OR51M1: variants seen among roughly 807,000 people sequenced by gnomAD.
The protein encoded by OR51M1 is olfactory receptor family 51 subfamily M member 1.
For missense variants in OR51M1, 509 were observed against 404.4 expected, an observed-to-expected ratio of 1.26 and a Z score of -2.22; for synonymous variants, 199 against 155.1, an observed-to-expected ratio of 1.28 and a Z score of -2.10.
rs1205258770 is a variant in OR51M1 at position 5,390,871 on chromosome 11, C to T, written c.*492C>T. On this transcript the variant is annotated 3_prime_UTR_variant, in exon 3 of 3. Coordinates refer to ENST00000642046, the MANE Select transcript of OR51M1 (RefSeq NM_001004756.3). ...TGGTCAGCAGTAACTTTCAGACCCCCAAGTCACATCAGAAACCTCAGAACT... is the reference window on the plus strand; with the variant it reads ...TGGTCAGCAGTAACTTTCAGACCCCTAAGTCACATCAGAAACCTCAGAACT... 6.4e-6 allele frequency: 1 copy of T among 155,242 alleles called. No homozygotes were observed. The highest frequency in any genetic ancestry group is 2.4e-5 in the African/African-American group (1 of 41,436). 9.6% of individuals were successfully genotyped at this position (155,242 alleles called of 1,614,324 possible).
intron 2 of OR51M1, 137 bp from the exon 3 acceptor site, chr11:5,389,247 A>T: frequency 1.3e-6 from 1 of 770,568 alleles, no homozygotes; most frequent in Non-Finnish European, 2.1e-6. Flanking sequence ...AAGTTCAATA[A>T]AGTAGTGAGA....
chr11:5,387,072 GTAA>G (rs1345749413), intron 2 of OR51M1, among the ~76,000 whole-genome samples: 3 of 152,016 alleles, frequency 2.0e-5, no homozygotes, highest in African/African-American at 2.4e-5. Flanking sequence ...CACTGTATAA[GTAA>G]TAATAATAAT....
At position 5,392,957 on chromosome 11, in the gene OR51M1, T is replaced by C. The variant is rs1281213567; in HGVS notation, c.*2578T>C. The C allele has an allele frequency of 6.6e-6, 1 of 152,218 alleles. No homozygotes were observed. Among genetic ancestry groups the C allele is most frequent in the Non-Finnish European group, 1.5e-5 (1 of 68,034 alleles). The allele number at this position is 152,218 out of a possible 1,614,324, so 9.4% of individuals were successfully genotyped here. A position where few individuals can be genotyped will look rare whatever the true frequency, so the allele number is the denominator to read the frequency against. ...ATAAATAAATATCTGTGCTGTTAAG[T>C]ATGTGGTAAAAGAGGTATTTTCACA... On this transcript the variant is annotated 3_prime_UTR_variant, in exon 3 of 3. Coordinates refer to ENST00000642046, the MANE Select transcript of OR51M1 (RefSeq NM_001004756.3).
In OR51M1 at chr11:5,391,035, A is replaced by T. The variant is rs1849787071; in HGVS notation, c.*656A>T. The T allele has an allele frequency of 6.6e-6, 1 of 152,234 alleles. No individual in the cohort carries two copies. The highest frequency in any genetic ancestry group is 2.1e-4 in the South Asian group (1 of 4,828). 9.4% of individuals were successfully genotyped at this position (152,234 alleles called of 1,614,324 possible). A position where few individuals can be genotyped will look rare whatever the true frequency, so the allele number is the denominator to read the frequency against. ...CCTCTCATCTCTGATTTTACCTTAC[A>T]ACCTCAAGTCTGACATTAAGCTACA... On this transcript the variant is annotated 3_prime_UTR_variant, in exon 3 of 3. Transcript: ENST00000642046.
rs115318791 is a variant in OR51M1 at position 5,387,559 on chromosome 11, G to A, written c.-15-1825G>A. Among the ~76,000 whole-genome samples, 443 of 152,272 alleles carry A rather than the reference G, an allele frequency of 2.9e-3. 1 individual carries two copies. The highest frequency in any genetic ancestry group is 0.01 in the African/African-American group (419 of 41,536). On this transcript the variant is annotated intron_variant, in intron 2 of 2. Coordinates refer to ENST00000642046, the MANE Select transcript of OR51M1 (RefSeq NM_001004756.3). ...TATAATAAAATTCAAAGTAGCTTGC[G>A]TGACCTGCAAGATCATACATGACGT...
chr11:5,391,504 G>A lies in OR51M1; in HGVS notation c.*1125G>A, dbSNP rs1470375459. On this transcript the variant is annotated 3_prime_UTR_variant, in exon 3 of 3. Transcript: ENST00000642046. ...TATATAAATACAATGCCTAGCACAT[G>A]CCATATACTCAATAAATATTAAATG... 1 of 152,192 alleles carries A rather than the reference G, an allele frequency of 6.6e-6. No homozygotes were observed. Among genetic ancestry groups the A allele is most frequent in the Non-Finnish European group, 1.5e-5 (1 of 68,040 alleles). 9.4% of individuals were successfully genotyped at this position (152,192 alleles called of 1,614,324 possible).
rs1849769972 is a variant in OR51M1, at chr11:5,390,072, T to G, written c.674T>G (p.Leu225Arg). The part of the protein sequence containing the change: ...VVFTVMLDLV[L>R]IALSYGLILH... ...TTCACTGTGATGCTGGACCTGGTGC[T>G]CATCGCACTGTCCTATGGACTCATC... Residue 225 changes from leucine (L) to arginine (R), a missense_variant, in exon 3 of 3, where the codon CTC becomes CGC. Coordinates refer to ENST00000642046, the MANE Select transcript of OR51M1 (RefSeq NM_001004756.3). 3.7e-6 allele frequency: 6 copies of G among 1,613,774 alleles called. No homozygotes were observed. The highest frequency in any genetic ancestry group is 4.2e-6 in the Non-Finnish European group (5 of 1,179,890).
At position 5,389,679 on chromosome 11, in the gene OR51M1, T is replaced by C; in HGVS notation, c.281T>C (p.Met94Thr). ...GLCVSTLPTTMGIFWFNSHSI... is the reference protein window; with the variant it reads ...GLCVSTLPTTTGIFWFNSHSI... ...TGTGTGTCCACGTTGCCCACCACTA[T>C]GGGGATCTTCTGGTTTAACTCCCAT... is the stretch of plus-strand genomic sequence containing the variant. The change falls in exon 3 of 3, where the codon ATG (methionine) becomes ACG (threonine). Residue 94 changes from methionine to threonine, a missense_variant. Met to Thr is a moderately conservative substitution (Grantham distance 81). Coordinates refer to ENST00000642046, the MANE Select transcript of OR51M1 (RefSeq NM_001004756.3). 1.9e-6 allele frequency: 3 copies of C among 1,613,684 alleles called. No homozygotes were observed. Among genetic ancestry groups the C allele is most frequent in the Non-Finnish European group, 8.5e-7 (1 of 1,179,862 alleles).
rs764750625 is a variant in OR51M1 at position 5,389,442 on chromosome 11, C to G, written c.44C>G (p.Ser15Cys). 1.2e-6 allele frequency: 2 copies of G among 1,613,902 alleles called. No individual in the cohort carries two copies. The highest frequency in any genetic ancestry group is 1.7e-6 in the Non-Finnish European group (2 of 1,179,792). ...YSLSPQFMLL[S>C]NITQFSPIFY... ...CTCAGTCCTCAATTCATGCTGCTAT[C>G]CAACATTACTCAGTTTAGCCCCATA... The change falls in exon 3 of 3, where the codon TCC (serine) becomes TGC (cysteine). Residue 15 changes from serine to cysteine, a missense_variant. By Grantham distance (112) the Ser-to-Cys change is moderately radical. Coordinates refer to ENST00000642046, the MANE Select transcript of OR51M1 (RefSeq NM_001004756.3).
chr11:5,384,802 A>G (rs901659525), intron 1 of OR51M1, among the ~76,000 whole-genome samples: 1 of 152,200 alleles, frequency 6.6e-6, no homozygotes, highest in Non-Finnish European at 1.5e-5. Context: ...TAACTTCCCC[A>G]GTATCCAGGA....
chr11:5,384,940 T>C (rs962440145), intron 1 of OR51M1, among the ~76,000 whole-genome samples: 2 of 152,218 alleles, frequency 1.3e-5, no homozygotes, highest in Non-Finnish European at 2.9e-5. Flanking sequence ...AGTCCTTGTG[T>C]TTAGGTGCAG....
intron 2 of OR51M1, among the ~76,000 whole-genome samples, chr11:5,386,836 G>A (rs1257314199): frequency 1.6e-5 from 2 of 123,482 alleles, no homozygotes; most frequent in Admixed American, 1.6e-4. Flanking sequence ...GTTGAGTAGA[G>A]CATCAGCTCA....
intron 2 of OR51M1, among the ~76,000 whole-genome samples, chr11:5,386,440 T>G (rs2736535): frequency 0.6 from 91,038 of 151,958 alleles, 27,412 homozygotes; most frequent in South Asian, 0.7. Context: ...TGTGAAGTAG[T>G]AATAAAATGT....
rs369026430 is a variant in OR51M1, at chr11:5,389,499, G to A, written c.101G>A (p.Gly34Asp). ...CTCACCAGCTTTCCTGGATTGGAAG[G>A]CATCAAACACTGGATTTTCATCCCC... The part of the protein sequence containing the change: ...FYLTSFPGLE[G>D]IKHWIFIPFF... The change falls in exon 3 of 3, where the codon GGC becomes GAC. Residue 34 changes from glycine (G) to aspartate (D), a missense_variant. Gly to Asp is a moderately conservative substitution (Grantham distance 94). Transcript: ENST00000642046. The A allele has an allele frequency of 2.2e-5, 35 of 1,613,822 alleles. No individual in the cohort carries two copies. Among genetic ancestry groups the A allele is most frequent in the South Asian group, 1.9e-4 (17 of 91,082 alleles).
rs193045218 is a variant in OR51M1 at position 5,389,742 on chromosome 11, G to C, written c.344G>C (p.Cys115Ser). The C allele has an allele frequency of 6.2e-7, 1 of 1,613,940 alleles. No homozygotes were observed. Among genetic ancestry groups the C allele is most frequent in the Non-Finnish European group, 8.5e-7 (1 of 1,179,888 alleles). Residue 115 changes from cysteine (C) to serine (S), a missense_variant, in exon 3 of 3, where the codon TGC becomes TCC. Coordinates refer to ENST00000642046, the MANE Select transcript of OR51M1 (RefSeq NM_001004756.3). ...GGAGCGTGTCAAATCCAGATGTTCT[G>C]CATCCACTCTTTTTCCTTCATGGAG... Reference protein sequence around the residue: ...YFGACQIQMFCIHSFSFMESS... With the variant: ...YFGACQIQMFSIHSFSFMESS...
rs1431868774 is a variant in OR51M1, at chr11:5,391,065, G to A, written c.*686G>A. ...CAAGTCTGACATTAAGCTACAGTCA[G>A]TATTTACTTGTAGGTGTTTTAGTTG... is the stretch of plus-strand genomic sequence containing the variant. On this transcript the variant is annotated 3_prime_UTR_variant, in exon 3 of 3. Coordinates refer to ENST00000642046, the MANE Select transcript of OR51M1 (RefSeq NM_001004756.3). The A allele has an allele frequency of 6.6e-6, 1 of 152,362 alleles. No individual in the cohort carries two copies. Among genetic ancestry groups the A allele is most frequent in the Non-Finnish European group, 1.5e-5 (1 of 68,052 alleles). 9.4% of individuals were successfully genotyped at this position (152,362 alleles called of 1,614,324 possible).
rs563598084 is a variant in OR51M1 at position 5,393,236 on chromosome 11, A to C, written c.*2857A>C. ...GAACTATTTAATAAGTGAATATTAT[A>C]ATTTGTGTTATTGTTCATAATTTTA... is the stretch of plus-strand genomic sequence containing the variant. On this transcript the variant is annotated 3_prime_UTR_variant, in exon 3 of 3. Transcript: ENST00000642046. 1 of 152,208 alleles carries C rather than the reference A, an allele frequency of 6.6e-6. No individual in the cohort carries two copies. Among genetic ancestry groups the C allele is most frequent in the Admixed American group, 6.5e-5 (1 of 15,272 alleles). 9.4% of individuals were successfully genotyped at this position (152,208 alleles called of 1,614,324 possible).
chr11:5,388,813 A>G (rs921426570), intron 2 of OR51M1, among the ~76,000 whole-genome samples: 5 of 152,102 alleles, frequency 3.3e-5, no homozygotes, highest in African/African-American at 9.7e-5. Context: ...AATAGCATCA[A>G]TGAAGGTGAC....
At chr11:5,387,791 T>C (rs1188084343) in intron 2 of OR51M1, among the ~76,000 whole-genome samples, 2 of 152,192 alleles carry the variant, frequency 1.3e-5, no homozygotes, top group Non-Finnish European at 2.9e-5. Context: ...TCTCTAAAAT[T>C]ACCTACTCAG....
Sources: allele counts gnomAD v4.1 joint callset (sites outside exome capture counted in the v4.1 genomes callset), GRCh38; gene constraint gnomAD v4.1.1; transcripts MANE v1.5; gene names NCBI Gene and HGNC (gene_info 2026-07-23, HGNC 2026-07-21).